The following HEATR5B variants were observed in gnomAD, a reference collection of about 807,000 sequenced individuals.
HEATR5B encodes HEAT repeat-containing protein 5B.
Under a neutral mutation model 224.1 loss-of-function variants are expected in HEATR5B, and 156 were observed. The ratio of observed to expected loss-of-function variants is 0.70; its 90% confidence interval spans 0.61 to 0.80. HEATR5B has a LOEUF of 0.80. Ranked by LOEUF, HEATR5B falls within the 30% of genes least tolerant of loss-of-function variation. HEATR5B has a pLI of 0.00. For missense variants in HEATR5B, 2,323 were observed against 2,535.5 expected (o/e 0.92, Z 1.80); for synonymous variants, 1,027 against 893.0 (o/e 1.15, Z -2.68).
intron 27 of HEATR5B, among the ~76,000 whole-genome samples, chr2:37,009,232 TG>T (rs1313229537): frequency 7.9e-6 from 1 of 125,924 alleles, no homozygotes; most frequent in Non-Finnish European, 1.6e-5. Context: ...CACTCCAGCC[TG>T]GTGACAAAGT....
chr2:36,989,329 C>T (rs1246700133), intron 34 of HEATR5B, among the ~76,000 whole-genome samples: 1 of 152,150 alleles, frequency 6.6e-6, no homozygotes, highest in South Asian at 2.1e-4. Context: ...TGTGATCTGC[C>T]CGCTTTGGCC....
At chr2:36,981,829 CAT>C (rs777708606) in intron 35 of HEATR5B, 35 bp from the exon 36 acceptor site, 55 of 1,484,024 alleles carry the variant, frequency 3.7e-5, no homozygotes, top group Non-Finnish European at 4.5e-5. Flanking sequence ...AGATCACAAA[CAT>C]AAGGATTATA....
chr2:37,074,624 C>T (rs1044101275), intron 5 of HEATR5B, among the ~76,000 whole-genome samples: 1 of 152,100 alleles, frequency 6.6e-6, no homozygotes, highest in Non-Finnish European at 1.5e-5. Context: ...ACAGGCCACC[C>T]ATTGGGAAAA....
chr2:37,053,428 T>A (rs75117295), intron 17 of HEATR5B, 74 bp downstream of exon 17: 104,359 of 714,802 alleles, frequency 0.15, 8,492 homozygotes, highest in African/African-American at 0.2. Context: ...ATTATAATAA[T>A]CTTGCTATGT....
chr2:37,068,634 A>C (rs2148581274), intron 8 of HEATR5B, 47 bp downstream of exon 8: 1 of 1,581,620 alleles, frequency 6.3e-7, no homozygotes, highest in East Asian at 2.2e-5. Flanking sequence ...ATAATAAAGA[A>C]CTAAATGACT....
rs767471564 is a variant in HEATR5B at position 37,032,470 on chromosome 2, G to GA, written c.3361+158dup. 1.8e-3 allele frequency among the ~76,000 whole-genome samples: 280 copies of GA among 152,146 alleles called. 1 individual carries two copies. The highest frequency in any genetic ancestry group is 3.5e-3 in the Non-Finnish European group (240 of 67,994). On this transcript the variant is annotated intron_variant, in intron 22 of 35. Coordinates refer to ENST00000233099, the MANE Select transcript of HEATR5B (RefSeq NM_019024.3). ...AAAAGCAAAAATGCAAAATTATCAA[G>GA]AAAACCACATTGGAATTTTAAAAGT...
rs113760253 is a variant in HEATR5B, at chr2:37,056,310, T to G, written c.2399+130A>C. 3,415 of 558,282 alleles carry G rather than the reference T, an allele frequency of 6.1e-3. 117 individuals are homozygous for G. The highest frequency in any genetic ancestry group is 0.061 in the African/African-American group (3,096 of 51,080). 34.6% of individuals were successfully genotyped at this position (558,282 alleles called of 1,614,324 possible). On this transcript the variant is annotated intron_variant, in intron 16 of 35. Transcript: ENST00000233099. The stretch of plus-strand genomic sequence containing the variant: ...TGTATCTGTCACTTACATTAGTAAA[T>G]CTGTAAGAGTACTGTTTTAAGTATT...
At position 37,079,278 on chromosome 2, in the gene HEATR5B, T is replaced by C; in HGVS notation, c.180A>G (p.Ile60Met). 1.2e-6 allele frequency: 2 copies of C among 1,613,056 alleles called. No individual in the cohort carries two copies. The highest frequency in any genetic ancestry group is 1.1e-5 in the South Asian group (1 of 90,964). ...GTGTAGGTGGTCCAGGTGAACTACTTATTAATCCAGTTAATTGTTCAACAA... is the reference window on the plus strand; with the variant it reads ...GTGTAGGTGGTCCAGGTGAACTACTCATTAATCCAGTTAATTGTTCAACAA... ...KKLVEQLTGLISSSPGPPTRK... is the reference protein window; with the variant it reads ...KKLVEQLTGLMSSSPGPPTRK... The change falls in exon 3 of 36, where the codon ATA becomes ATG. Residue 60 changes from isoleucine (I) to methionine (M), a missense_variant. Coordinates refer to ENST00000233099, the MANE Select transcript of HEATR5B (RefSeq NM_019024.3).
At chr2:36,989,476 C>A (rs1666174582) in intron 34 of HEATR5B, among the ~76,000 whole-genome samples, 1 of 152,170 alleles carries the variant, frequency 6.6e-6, no homozygotes, top group Non-Finnish European at 1.5e-5. Context: ...TTGTCCCTCC[C>A]ATTTTAACCA....
intron 2 of HEATR5B, among the ~76,000 whole-genome samples, chr2:37,080,438 A>G (rs1223391732): frequency 6.6e-6 from 1 of 152,236 alleles, no homozygotes; most frequent in Admixed American, 6.5e-5. Flanking sequence ...GTAACCATAG[A>G]GATGATAAAT....
At chr2:37,054,461 G>A (rs1670768201) in intron 16 of HEATR5B, among the ~76,000 whole-genome samples, 2 of 145,536 alleles carry the variant, frequency 1.4e-5, no homozygotes, top group Admixed American at 1.4e-4. Flanking sequence ...GATTACAGGC[G>A]TGAGCCACTG....
In HEATR5B at chr2:37,037,145, G is replaced by GAGATGGATATATATATATATATATAT; in HGVS notation, c.3216+709_3216+710insATATATATATATATATATATCCATCT. On this transcript the variant is annotated intron_variant, in intron 21 of 35. Transcript: ENST00000233099. ...TTCCGAGTAGGAAAACTAAAAATGT[G>GAGATGGATATATATATATATATATAT]ATATATATATATATTTTGGAGATGG... 1.1e-3 allele frequency among the ~76,000 whole-genome samples: 101 copies of GAGATGGATATATATATATATATATAT among 89,190 alleles called. 9 individuals carry two copies. Among genetic ancestry groups the GAGATGGATATATATATATATATATAT allele is most frequent in the East Asian group, 0.011 (21 of 1,946 alleles). The allele number at this position is 89,190 out of a possible 152,430, so 58.5% of individuals were successfully genotyped here. A position where few individuals can be genotyped will look rare whatever the true frequency, so the allele number is the denominator to read the frequency against.
chr2:37,050,802 G>A (rs975031148), intron 17 of HEATR5B, among the ~76,000 whole-genome samples: 2 of 152,162 alleles, frequency 1.3e-5, no homozygotes, highest in Non-Finnish European at 2.9e-5. Context: ...GACTTTGGGA[G>A]GCCAAGGCGG....
chr2:37,043,611 C>T (rs1395131832), intron 18 of HEATR5B, among the ~76,000 whole-genome samples: 1 of 151,818 alleles, frequency 6.6e-6, no homozygotes, highest in African/African-American at 2.4e-5. Context: ...GTTTCCTAAT[C>T]CTTAAAAAAA....
At chr2:37,033,930 T>C (rs1472493206) in intron 21 of HEATR5B, among the ~76,000 whole-genome samples, 1 of 152,164 alleles carries the variant, frequency 6.6e-6, no homozygotes, top group African/African-American at 2.4e-5. Context: ...AATATTAAAT[T>C]ATGTTCCATC....
intron 18 of HEATR5B, among the ~76,000 whole-genome samples, chr2:37,044,955 A>G (rs1288214154): frequency 2.0e-5 from 3 of 152,190 alleles, no homozygotes; most frequent in Non-Finnish European, 4.4e-5. Flanking sequence ...GTAAGATGTC[A>G]ATACACAAAT....
chr2:36,988,500 TCCAC>T, intron 35 of HEATR5B, 142 bp downstream of exon 35: 1 of 614,706 alleles, frequency 1.6e-6, no homozygotes, highest in Non-Finnish European at 2.8e-6. Context: ...GACCTCGTGA[TCCAC>T]CCACCTTGGC....
rs147674097 is a variant in HEATR5B at position 37,010,995 on chromosome 2, T to C, written c.4285-2147A>G. 3.7e-4 allele frequency among the ~76,000 whole-genome samples: 56 copies of C among 152,298 alleles called. 1 individual carries two copies. The highest frequency in any genetic ancestry group is 1.3e-3 in the African/African-American group (52 of 41,580). On this transcript the variant is annotated intron_variant, in intron 27 of 35. Transcript: ENST00000233099. Reference sequence around the variant, plus strand: ...CAATGAGAGGGAAGTAAAAAGGTGCTTAAGAGAAGAAACTTTTAAAGATTT... The same window carrying C: ...CAATGAGAGGGAAGTAAAAAGGTGCCTAAGAGAAGAAACTTTTAAAGATTT...
intron 24 of HEATR5B, among the ~76,000 whole-genome samples, chr2:37,023,875 C>T (rs1668611578): frequency 6.6e-6 from 1 of 152,084 alleles, no homozygotes; most frequent in South Asian, 2.1e-4. Flanking sequence ...TAGAAGCCCA[C>T]AGTGCTTCCT....
Sources: allele counts gnomAD v4.1 joint callset (sites outside exome capture counted in the v4.1 genomes callset), GRCh38; gene constraint gnomAD v4.1.1; transcripts MANE v1.5; gene names NCBI Gene and HGNC (gene_info 2026-07-23, HGNC 2026-07-21).